TYW3: variants seen among roughly 807,000 people sequenced by gnomAD.
TYW3 encodes the protein tRNA-yW synthesizing protein 3 homolog.
TYW3 carries 26 observed loss-of-function variants against 23.1 expected under a neutral mutation model. That is an observed-to-expected ratio of 1.13 (90% CI 0.83 to 1.56). TYW3 has a LOEUF of 1.56. Ranked by LOEUF, TYW3 falls within the 40% of genes most tolerant of loss-of-function variation. TYW3 has a pLI of 0.00. For missense variants in TYW3, 316 were observed against 311.9 expected, an observed-to-expected ratio of 1.01 and a Z score of -0.10; for synonymous variants, 102 against 105.7, an observed-to-expected ratio of 0.97 and a Z score of 0.21.
chr1:74,757,250 G>A (rs1332244841), intron 5 of TYW3, among the ~76,000 whole-genome samples: 3 of 152,170 alleles, frequency 2.0e-5, no homozygotes, highest in African/African-American at 7.2e-5. Flanking sequence ...ACCCCAGAAT[G>A]ATAGATCCAC....
At chr1:74,755,560 GTTTA>G (rs1430449527) in intron 5 of TYW3, among the ~76,000 whole-genome samples, 1 of 152,094 alleles carries the variant, frequency 6.6e-6, no homozygotes, top group Non-Finnish European at 1.5e-5. Flanking sequence ...ACTGAATTTT[GTTTA>G]TTCATTGATG....
At chr1:74,746,853 G>A (rs1470373497) in intron 3 of TYW3, among the ~76,000 whole-genome samples, 1 of 152,052 alleles carries the variant, frequency 6.6e-6, no homozygotes, top group Non-Finnish European at 1.5e-5. Context: ...AAAAAGAAGA[G>A]GACCTTTTTA....
rs187982164 is a variant in TYW3 at position 74,747,236 on chromosome 1, T to G, written c.355-1515T>G. 2.8e-3 allele frequency among the ~76,000 whole-genome samples: 424 copies of G among 152,026 alleles called. 1 individual carries two copies. The highest frequency in any genetic ancestry group is 0.01 in the Middle Eastern group (3 of 294). On this transcript the variant is annotated intron_variant, in intron 3 of 5. Coordinates refer to ENST00000370867, the MANE Select transcript of TYW3 (RefSeq NM_138467.3). ...GATTAATTTGAGGTAATCGTAGAGGTAGAATCAATGGGAATTGGGTATAGG... is the reference window on the plus strand; with the variant it reads ...GATTAATTTGAGGTAATCGTAGAGGGAGAATCAATGGGAATTGGGTATAGG...
rs1570049888 is a variant in TYW3, at chr1:74,737,487, A to G, written c.255+865A>G. 2.6e-5 allele frequency among the ~76,000 whole-genome samples: 4 copies of G among 152,224 alleles called. No individual in the cohort carries two copies. The South Asian group carries it at 6.2e-4, about 24-fold the overall frequency. On this transcript the variant is annotated intron_variant, in intron 2 of 5. Transcript: ENST00000370867. Reference sequence around the variant, plus strand: ...GTGGAATGTGATGATATCCTTGATCAGACATAAGCAAGCACTTGGCACCTC... The same window carrying G: ...GTGGAATGTGATGATATCCTTGATCGGACATAAGCAAGCACTTGGCACCTC...
intron 5 of TYW3, among the ~76,000 whole-genome samples, chr1:74,762,038 T>G (rs79599340): frequency 0.038 from 5,747 of 152,220 alleles, 182 homozygotes; most frequent in Non-Finnish European, 0.061. Context: ...CTCAGTCTTT[T>G]TAAATTTAAC....
rs780313122 is a variant in TYW3, at chr1:74,763,887, T to C, written c.561-7T>C. The C allele has an allele frequency of 6.3e-7, 1 of 1,585,178 alleles. No individual in the cohort carries two copies. Among genetic ancestry groups the C allele is most frequent in the Middle Eastern group, 2.0e-4 (1 of 5,060 alleles). On this transcript the variant is annotated splice_polypyrimidine_tract_variant and splice_region_variant and intron_variant, in intron 5 of 5. Transcript: ENST00000370867. ...CAGATATAATAGTAGTACTTATTTCTTCACAGGTTTTACAACTGCCTACAG... is the reference window on the plus strand; with the variant it reads ...CAGATATAATAGTAGTACTTATTTCCTCACAGGTTTTACAACTGCCTACAG...
At position 74,733,218 on chromosome 1, in the gene TYW3, C is replaced by A. The variant is rs758414713; in HGVS notation, c.-27C>A. 10 of 1,611,000 alleles carry A rather than the reference C, an allele frequency of 6.2e-6. No individual in the cohort carries two copies. In the East Asian group the frequency reaches 2.2e-4, roughly 36 times the overall value. ...AGAGACGAGGCTACCATGAAGGAGC[C>A]GAGCGCAGACCCTGAGTCCGTCACC... On this transcript the variant is annotated 5_prime_UTR_variant, in exon 1 of 6. Transcript: ENST00000370867.
chr1:74,745,559 T>C (rs1648537756), intron 3 of TYW3, among the ~76,000 whole-genome samples: 1 of 152,150 alleles, frequency 6.6e-6, no homozygotes, highest in Admixed American at 6.5e-5. Flanking sequence ...AGAGTGCTGA[T>C]TGGTGCATTT....
chr1:74,733,193 A>G lies in TYW3; in HGVS notation c.-52A>G, dbSNP rs907700648. 1 of 1,593,926 alleles carries G rather than the reference A, an allele frequency of 6.3e-7. No homozygotes were observed. The highest frequency in any genetic ancestry group is 1.7e-4 in the Middle Eastern group (1 of 5,986). ...CGCTTCAATATGGCTGCCCCCAGGG[A>G]GAGACGAGGCTACCATGAAGGAGCC... On this transcript the variant is annotated 5_prime_UTR_variant, in exon 1 of 6. Coordinates refer to ENST00000370867, the MANE Select transcript of TYW3 (RefSeq NM_138467.3).
intron 5 of TYW3, among the ~76,000 whole-genome samples, chr1:74,757,520 C>T (rs1223318378): frequency 1.3e-5 from 2 of 152,184 alleles, no homozygotes; most frequent in Non-Finnish European, 2.9e-5. Flanking sequence ...GCCAATTTAT[C>T]CTATTTGAAA....
At chr1:74,742,711 G>A (rs1297252800) in intron 3 of TYW3, among the ~76,000 whole-genome samples, 1 of 152,136 alleles carries the variant, frequency 6.6e-6, no homozygotes, top group East Asian at 1.9e-4. Context: ...GGTATTTAAC[G>A]GGAGTTCCCC....
rs182765919 is a variant in TYW3, at chr1:74,762,419, G to T, written c.561-1475G>T. On this transcript the variant is annotated intron_variant, in intron 5 of 5. Transcript: ENST00000370867. ...AGATGAGATCTCTGCAGTGGCAGGG[G>T]GGTTTCCTAACTTTCAGATCATTCT... Among the ~76,000 whole-genome samples, 67 of 152,132 alleles carry T rather than the reference G, an allele frequency of 4.4e-4. 1 individual carries two copies. The highest frequency in any genetic ancestry group is 5.9e-5 in the Non-Finnish European group (4 of 67,986).
At chr1:74,749,825 G>A (rs1482652693) in intron 4 of TYW3, among the ~76,000 whole-genome samples, 1 of 152,046 alleles carries the variant, frequency 6.6e-6, no homozygotes, top group Non-Finnish European at 1.5e-5. Flanking sequence ...GCGTGGTGGT[G>A]CGTAGCTGTG....
chr1:74,737,875 A>G (rs577437548), intron 2 of TYW3, among the ~76,000 whole-genome samples: 264 of 152,308 alleles, frequency 1.7e-3, no homozygotes, highest in African/African-American at 5.8e-3. Context: ...GCCCTTTGCA[A>G]TGTGTCAGTC....
rs1403857593 is a variant in TYW3 at position 74,766,207 on chromosome 1, G to A, written c.*2094G>A. Reference sequence around the variant, plus strand: ...GTGCATACATAATACTTGATAATATGTTACTGGTTTGTGTCTTTGCTATGC... The same window carrying A: ...GTGCATACATAATACTTGATAATATATTACTGGTTTGTGTCTTTGCTATGC... On this transcript the variant is annotated 3_prime_UTR_variant, in exon 6 of 6. Transcript: ENST00000370867. The A allele has an allele frequency of 6.6e-6, 1 of 152,038 alleles. No homozygotes were observed. Among genetic ancestry groups the A allele is most frequent in the Non-Finnish European group, 1.5e-5 (1 of 67,956 alleles). The allele number at this position is 152,038 out of a possible 1,614,324, so 9.4% of individuals were successfully genotyped here.
intron 3 of TYW3, among the ~76,000 whole-genome samples, chr1:74,741,856 T>A (rs1648374237): frequency 6.6e-6 from 1 of 152,204 alleles, no homozygotes; most frequent in African/African-American, 2.4e-5. Context: ...TCTTGAGTGT[T>A]TCATTTGCCT....
At chr1:74,736,727 A>G in intron 2 of TYW3, 105 bp downstream of exon 2, 1 of 845,068 alleles carries the variant, frequency 1.2e-6, no homozygotes, top group Non-Finnish European at 1.8e-6. Flanking sequence ...CAGAGTTATA[A>G]TGGCTGAAGA....
intron 4 of TYW3, 77 bp downstream of exon 4, chr1:74,748,899 C>A: frequency 8.0e-7 from 1 of 1,242,438 alleles, no homozygotes; most frequent in Non-Finnish European, 1.2e-6. Context: ...AGACTCCTGC[C>A]TTTAATGTCT....
intron 2 of TYW3, among the ~76,000 whole-genome samples, chr1:74,738,283 A>G (rs1648222905): frequency 6.6e-6 from 1 of 152,148 alleles, no homozygotes; most frequent in Admixed American, 6.5e-5. Context: ...TCTTGGGAAC[A>G]TGGGTGGCAG....
Sources: gnomAD v4.1 joint callset for allele counts (sites outside exome capture counted in the v4.1 genomes callset) on GRCh38, gnomAD v4.1.1 for gene constraint, MANE v1.5 for transcripts, NCBI Gene and HGNC (gene_info 2026-07-23, HGNC 2026-07-21) for gene names.